The following MAMDC2 variants were observed in gnomAD, a reference collection of about 807,000 sequenced individuals.
MAMDC2 encodes MAM domain-containing protein 2.
MAMDC2 carries 57 observed loss-of-function variants against 89.8 expected under a neutral mutation model. The ratio of observed to expected loss-of-function variants is 0.63; its 90% confidence interval spans 0.51 to 0.79. MAMDC2 has a LOEUF of 0.79. Among genes scored for constraint, MAMDC2 ranks in the 30% least tolerant of loss-of-function variants. The probability of loss-of-function intolerance (pLI) is 0.00; values close to 1 mark genes in which losing one functional copy is unlikely to be tolerated. For missense variants in MAMDC2, 800 were observed against 820.6 expected (o/e 0.97, Z 0.31); for synonymous variants, 313 against 293.4 (o/e 1.07, Z -0.68).
At chr9:70,103,699 C>T (rs1199817403) in intron 2 of MAMDC2, among the ~76,000 whole-genome samples, 3 of 151,896 alleles carry the variant, frequency 2.0e-5, no homozygotes, top group Non-Finnish European at 4.4e-5. Flanking sequence ...GGTGAAAAGA[C>T]GGCCAGGAGT....
chr9:70,154,713 A>T (rs2031694548), intron 9 of MAMDC2, among the ~76,000 whole-genome samples: 1 of 151,416 alleles, frequency 6.6e-6, no homozygotes, highest in Non-Finnish European at 1.5e-5. Flanking sequence ...GGGTCTCACT[A>T]AGTAGCTCGG....
At position 70,205,047 on chromosome 9, in the gene MAMDC2, G is replaced by C. The variant is rs141750573; in HGVS notation, c.1652-13290G>C. On this transcript the variant is annotated intron_variant, in intron 11 of 13. Transcript: ENST00000377182. ...CGCTCACGCTGGGAGCTGTAGACCA[G>C]AGCTGTTCCTATTCGGCCATCTTGG... 3.8e-3 allele frequency among the ~76,000 whole-genome samples: 573 copies of C among 152,346 alleles called. 2 individuals carry two copies. The highest frequency in any genetic ancestry group is 0.013 in the African/African-American group (546 of 41,582).
chr9:70,191,864 T>G (rs2032887556), intron 11 of MAMDC2, among the ~76,000 whole-genome samples: 1 of 152,180 alleles, frequency 6.6e-6, no homozygotes, highest in South Asian at 2.1e-4. Flanking sequence ...CTTCTTGTCC[T>G]CTTACTCTCC....
intron 5 of MAMDC2, among the ~76,000 whole-genome samples, chr9:70,121,264 G>C (rs1563963390): frequency 6.6e-6 from 1 of 152,218 alleles, no homozygotes; most frequent in Non-Finnish European, 1.5e-5. Context: ...CTAATACAGA[G>C]GGCTGCTGCA....
At chr9:70,131,372 C>T in intron 6 of MAMDC2, 147 bp from the exon 7 acceptor site, 2 of 597,018 alleles carry the variant, frequency 3.3e-6, no homozygotes, top group Non-Finnish European at 5.9e-6. Context: ...GGGTGCTGCC[C>T]AAACTCATAT....
rs572228056 is a variant in MAMDC2 at position 70,187,847 on chromosome 9, T to C, written c.1651+17216T>C. On this transcript the variant is annotated intron_variant, in intron 11 of 13. Transcript: ENST00000377182. ...TACTATAATAATGATGCTATTTTAT[T>C]TGTGAACAACTTTTTCTGTGGACAT... 2.2e-4 allele frequency among the ~76,000 whole-genome samples: 34 copies of C among 152,320 alleles called. 1 individual carries two copies. Among genetic ancestry groups the C allele is most frequent in the South Asian group, 1.0e-3 (5 of 4,830 alleles).
chr9:70,177,693 G>A (rs2032540409), intron 11 of MAMDC2, among the ~76,000 whole-genome samples: 1 of 152,150 alleles, frequency 6.6e-6, no homozygotes, highest in Non-Finnish European at 1.5e-5. Context: ...TACTGGTGGA[G>A]CAGTAACTGG....
chr9:70,125,616 T>C (rs1360178773), intron 5 of MAMDC2, among the ~76,000 whole-genome samples: 1 of 152,174 alleles, frequency 6.6e-6, no homozygotes, highest in Non-Finnish European at 1.5e-5. Flanking sequence ...AACACACAAA[T>C]TGCCATATAG....
chr9:70,140,981 A>G (rs577469713), intron 8 of MAMDC2, among the ~76,000 whole-genome samples: 1 of 152,218 alleles, frequency 6.6e-6, no homozygotes, highest in East Asian at 1.9e-4. Flanking sequence ...CCCAGTGGAG[A>G]CAAGTGTGAA....
intron 11 of MAMDC2, among the ~76,000 whole-genome samples, chr9:70,180,765 T>C (rs2032629318): frequency 6.6e-6 from 1 of 152,234 alleles, no homozygotes; most frequent in Admixed American, 6.5e-5. Context: ...TATTAGACCT[T>C]TGTCAGATTG....
chr9:70,070,065 T>A (rs1260834320), intron 2 of MAMDC2, among the ~76,000 whole-genome samples: 1 of 152,194 alleles, frequency 6.6e-6, no homozygotes, highest in Non-Finnish European at 1.5e-5. Context: ...CACTGTGCAT[T>A]GTTAGAAACC....
intron 8 of MAMDC2, among the ~76,000 whole-genome samples, chr9:70,140,568 AT>A (rs1306665476): frequency 6.6e-6 from 1 of 152,208 alleles, no homozygotes; most frequent in Admixed American, 6.5e-5. Flanking sequence ...AATCTGTTGA[AT>A]TGTATTTATA....
chr9:70,110,992 C>T (rs73449496), intron 4 of MAMDC2, among the ~76,000 whole-genome samples: 1,647 of 152,306 alleles, frequency 0.011, 23 homozygotes, highest in African/African-American at 0.037. Flanking sequence ...AATTCCCTTA[C>T]GTTTCACTTG....
intron 2 of MAMDC2, among the ~76,000 whole-genome samples, chr9:70,084,965 T>A (rs1202843621): frequency 1.3e-5 from 2 of 152,090 alleles, no homozygotes; most frequent in Non-Finnish European, 2.9e-5. Context: ...ATTAAACTTG[T>A]TTTAATATAG....
In MAMDC2 at chr9:70,170,484, C is replaced by T; in HGVS notation, c.1504C>T (p.Leu502Phe). ...CATCTGCTATTTTCTTGCAGAGAAA[C>T]TTCCACCTCCACCTGGAGAGTGTAC... ...QLGSCSSSEK[L>F]PPPPGECTFE... is the part of the protein sequence containing the mutation. The change falls in exon 11 of 14, where the codon CTT (leucine) becomes TTT (phenylalanine). Residue 502 changes from leucine to phenylalanine, a missense_variant. Coordinates refer to ENST00000377182, the MANE Select transcript of MAMDC2 (RefSeq NM_153267.5). The T allele has an allele frequency of 3.7e-6, 6 of 1,603,014 alleles. No individual in the cohort carries two copies. Among genetic ancestry groups the T allele is most frequent in the Non-Finnish European group, 5.1e-6 (6 of 1,176,656 alleles).
chr9:70,097,542 C>T (rs1828061311), intron 2 of MAMDC2, among the ~76,000 whole-genome samples: 1 of 152,142 alleles, frequency 6.6e-6, no homozygotes, highest in Non-Finnish European at 1.5e-5. Flanking sequence ...TTTCCTATTT[C>T]TTTAAGCAAA....
At chr9:70,094,187 A>G (rs1476244383) in intron 2 of MAMDC2, among the ~76,000 whole-genome samples, 1 of 152,232 alleles carries the variant, frequency 6.6e-6, no homozygotes, top group Non-Finnish European at 1.5e-5. Context: ...AGTGTTAGCT[A>G]TGATATGAGG....
chr9:70,146,977 T>G (rs2031425649), intron 9 of MAMDC2, among the ~76,000 whole-genome samples: 1 of 146,956 alleles, frequency 6.8e-6, no homozygotes, highest in Non-Finnish European at 1.5e-5. Flanking sequence ...CTCATTTGGT[T>G]GGGTGTGGTG....
chr9:70,163,538 G>A (rs1007624786), intron 9 of MAMDC2, among the ~76,000 whole-genome samples: 2 of 152,008 alleles, frequency 1.3e-5, no homozygotes, highest in Non-Finnish European at 2.9e-5. Flanking sequence ...ATATTTCATC[G>A]CTTGTTAGAA....
Sources: gnomAD v4.1 joint callset for allele counts (sites outside exome capture counted in the v4.1 genomes callset) on GRCh38, gnomAD v4.1.1 for gene constraint, MANE v1.5 for transcripts, NCBI Gene and HGNC (gene_info 2026-07-23, HGNC 2026-07-21) for gene names.